Variants in CDYL observed in about 807,000 individuals in gnomAD.
The protein encoded by CDYL is chromodomain Y-like protein.
In CDYL, 8 loss-of-function variants were observed where a neutral mutation model predicts 47.3. The ratio of observed to expected loss-of-function variants is 0.17; its 90% CI spans 0.10 to 0.31. The LOEUF is 0.31. Among genes scored for constraint, CDYL ranks in the 10% least tolerant of loss-of-function variants. The probability of loss-of-function intolerance (pLI) is 1.00; values close to 1 mark genes in which losing one functional copy is unlikely to be tolerated. For synonymous variants in CDYL, 266 were observed against 265.0 expected (o/e 1.00, Z -0.04); for missense variants, 471 against 701.4 (o/e 0.67, Z 3.71).
At chr6:4,793,377 A>G (rs913359153) in intron 1 of CDYL, among the ~76,000 whole-genome samples, 1 of 152,092 alleles carries the variant, frequency 6.6e-6, no homozygotes, top group Non-Finnish European at 1.5e-5. Context: ...TTTTAGGTGA[A>G]GCAATCAGGG....
chr6:4,853,754 A>G (rs767908998), intron 1 of CDYL, among the ~76,000 whole-genome samples: 15 of 152,142 alleles, frequency 9.9e-5, no homozygotes, highest in Non-Finnish European at 2.2e-4. Context: ...AGAGCCCATC[A>G]CCGTTTGTGT....
intron 1 of CDYL, among the ~76,000 whole-genome samples, chr6:4,825,281 A>C (rs148997808): frequency 0.011 from 1,733 of 152,168 alleles, 29 homozygotes; most frequent in African/African-American, 0.04. Flanking sequence ...AACTTTGCTG[A>C]ATTTATTAGC....
intron 1 of CDYL, among the ~76,000 whole-genome samples, chr6:4,835,026 CCTGTAG>C (rs1301093767): frequency 2.0e-5 from 3 of 152,116 alleles, no homozygotes; most frequent in Non-Finnish European, 2.9e-5. Flanking sequence ...TGAATTTCCT[CCTGTAG>C]CTCGTAGTTT....
At chr6:4,929,556 A>G (rs13218339) in intron 2 of CDYL, among the ~76,000 whole-genome samples, 36 of 150,546 alleles carry the variant, frequency 2.4e-4, no homozygotes, top group Non-Finnish European at 4.2e-4. Context: ...TGAGACTCAA[A>G]TTACACATAT....
chr6:4,830,404 C>T (rs577412658), intron 1 of CDYL, among the ~76,000 whole-genome samples: 4 of 152,218 alleles, frequency 2.6e-5, no homozygotes, highest in African/African-American at 9.6e-5. Context: ...TTTCCTTCCC[C>T]AGCCCCCTGC....
rs189807518 is a variant in CDYL, at chr6:4,747,871, T to G, written c.186+13027T>G. 2.9e-4 allele frequency among the ~76,000 whole-genome samples: 44 copies of G among 152,374 alleles called. No homozygotes were observed. In the East Asian group the frequency reaches 7.9e-3, roughly 27 times the overall value. The stretch of plus-strand genomic sequence containing the variant: ...CATGGCAGTATGTCATTTATCATAC[T>G]GCACTGCAATTCTTTTGTTTTCAAG... On this transcript the variant is annotated intron_variant, in intron 3 of 8. Transcript: ENST00000328908.
chr6:4,935,900 C>T, intron 3 of CDYL, 129 bp downstream of exon 3: 6 of 1,403,322 alleles, frequency 4.3e-6, no homozygotes, highest in Non-Finnish European at 5.8e-6. Flanking sequence ...CGATGCCCAC[C>T]AGAAGGGAGG....
At chr6:4,723,586 G>A (rs1407789857) in intron 2 of CDYL, among the ~76,000 whole-genome samples, 1 of 152,138 alleles carries the variant, frequency 6.6e-6, no homozygotes, top group East Asian at 1.9e-4. Context: ...GACCCAGCAG[G>A]AGGCGGCAAG....
intron 1 of CDYL, among the ~76,000 whole-genome samples, chr6:4,870,948 G>A (rs114292138): frequency 2.6e-5 from 4 of 152,322 alleles, no homozygotes; most frequent in Non-Finnish European, 5.9e-5. Context: ...AATAGTTGAT[G>A]TGAAGTCCTT....
intron 1 of CDYL, among the ~76,000 whole-genome samples, chr6:4,808,417 A>G (rs1336549772): frequency 2.2e-4 from 34 of 152,190 alleles, no homozygotes; most frequent in Non-Finnish European, 2.9e-5. Context: ...GCAGTGAGAA[A>G]TCCATACTCC....
At chr6:4,773,736 G>A (rs1335508121), upstream of CDYL, among the ~76,000 whole-genome samples, 13 of 152,182 alleles carry the variant, frequency 8.5e-5, no homozygotes, top group Non-Finnish European at 1.5e-5. This position sits in a 1 kb window ranked among gnomAD's most constrained non-coding sequence, Gnocchi z 4.6. Flanking sequence ...TGTCAGAGTG[G>A]AGAGGTGGTT....
chr6:4,778,851 G>C (rs939412021), intron 1 of CDYL, among the ~76,000 whole-genome samples: 15 of 152,036 alleles, frequency 9.9e-5, no homozygotes, highest in Non-Finnish European at 2.9e-5. Context: ...CATGGCAGTT[G>C]AGAGCCTAGA....
At position 4,943,727 on chromosome 6, in the gene CDYL, A is replaced by G. The variant is rs542941632; in HGVS notation, c.1303A>G (p.Met435Val). 5 of 1,603,314 alleles carry G rather than the reference A, an allele frequency of 3.1e-6. No homozygotes were observed. Among genetic ancestry groups the G allele is most frequent in the Non-Finnish European group, 3.4e-6 (4 of 1,175,536 alleles). Residue 435 changes from methionine (M) to valine (V), a missense_variant, in exon 5 of 7, where the codon ATG becomes GTG. Physicochemically the swap from Met to Val is conservative, Grantham distance 21. Around this residue, in one of 3 missense-constraint regions of CDYL, gnomAD observed 103 missense variants for 277.1 expected, o/e 0.37. Coordinates refer to ENST00000397588, the MANE Select transcript of CDYL (RefSeq NM_004824.4). The part of the protein sequence containing the change: ...GQSPDGCSTV[M>V]FPKIMGGASA... The stretch of plus-strand genomic sequence containing the variant: ...GAGTCCAGATGGCTGTTCTACCGTT[A>G]TGTTTCCCAAGATAATGGGAGGAGC...
At chr6:4,794,929 G>T (rs1759027961) in intron 1 of CDYL, among the ~76,000 whole-genome samples, 1 of 151,826 alleles carries the variant, frequency 6.6e-6, no homozygotes, top group Non-Finnish European at 1.5e-5. Flanking sequence ...AGATTTATAT[G>T]TAGACAATTA....
chr6:4,747,813 C>T lies in CDYL; in HGVS notation c.186+12969C>T, dbSNP rs117485646. Among the ~76,000 whole-genome samples the T allele has an allele frequency of 3.8e-3, 582 of 152,326 alleles. 3 individuals carry two copies. Among genetic ancestry groups the T allele is most frequent in the East Asian group, 0.017 (89 of 5,188 alleles). ...CCAATACCCCAGGGAAGCTTTCCCA[C>T]AGGAATCATTAGGGACTTCTTCACC... is the stretch of plus-strand genomic sequence containing the variant. On this transcript the variant is annotated intron_variant, in intron 3 of 8. Transcript: ENST00000328908.
chr6:4,743,746 G>T (rs1330186119), intron 3 of CDYL, among the ~76,000 whole-genome samples: 1 of 152,118 alleles, frequency 6.6e-6, no homozygotes, highest in Non-Finnish European at 1.5e-5. Context: ...TTAGGATAAG[G>T]TTTAGTTGCA....
intron 2 of CDYL, among the ~76,000 whole-genome samples, chr6:4,900,525 C>T (rs1756995815): frequency 6.6e-6 from 1 of 151,692 alleles, no homozygotes; most frequent in Non-Finnish European, 1.5e-5. Context: ...CGGCAACTTG[C>T]TATTGTAAAC....
intron 2 of CDYL, among the ~76,000 whole-genome samples, chr6:4,932,367 G>A (rs1758056929): frequency 6.6e-6 from 1 of 152,018 alleles, no homozygotes; most frequent in Non-Finnish European, 1.5e-5. Flanking sequence ...AGGGGGTGTC[G>A]GCCCTCATTT....
At chr6:4,893,154 T>C (rs941953323) in intron 2 of CDYL, among the ~76,000 whole-genome samples, 1 of 152,228 alleles carries the variant, frequency 6.6e-6, no homozygotes, top group African/African-American at 2.4e-5. Flanking sequence ...TCCTGCTTCC[T>C]GCCTTCTGAC....
Sources: gnomAD v4.1 joint callset for allele counts (sites outside exome capture counted in the v4.1 genomes callset) on GRCh38, gnomAD v4.1.1 for gene constraint, gnomAD v4.1.1 regional missense constraint, Gnocchi (gnomAD v3.1) non-coding constraint, MANE v1.5 for transcripts, NCBI Gene and HGNC (gene_info 2026-07-23, HGNC 2026-07-21) for gene names.